Variants in BICD2 observed in about 807,000 individuals in gnomAD.
The protein encoded by BICD2 is BICD cargo adaptor 2, also known as protein bicaudal D homolog 2.
In BICD2, 25 loss-of-function variants were observed where a neutral mutation model predicts 72.9. That is an observed-to-expected ratio of 0.34 (90% confidence interval 0.25 to 0.48). The LOEUF (loss-of-function observed/expected upper bound fraction) is 0.48. Ranked by LOEUF, BICD2 falls within the 20% of genes least tolerant of loss-of-function variation. The pLI is 0.99. For synonymous variants in BICD2, 501 were observed against 516.1 expected (o/e 0.97, Z 0.40); for missense variants, 894 against 1,175.2 (o/e 0.76, Z 3.50).
intron 1 of BICD2, among the ~76,000 whole-genome samples, chr9:92,745,943 G>A (rs964233417): frequency 6.6e-6 from 1 of 152,214 alleles, no homozygotes; most frequent in Non-Finnish European, 1.5e-5. Context: ...ATTCCCAGGT[G>A]CATGAACATC....
At chr9:92,755,907 T>C (rs892414514) in intron 1 of BICD2, among the ~76,000 whole-genome samples, 1 of 152,080 alleles carries the variant, frequency 6.6e-6, no homozygotes, top group Non-Finnish European at 1.5e-5. Context: ...TCCAAGGGCG[T>C]CAGGAATGCA....
In BICD2 at chr9:92,754,517, T is replaced by C. The variant is rs183905794; in HGVS notation, c.240+9988A>G. Among the ~76,000 whole-genome samples the C allele has an allele frequency of 3.2e-3, 483 of 152,284 alleles. 3 individuals carry two copies. Among genetic ancestry groups the C allele is most frequent in the African/African-American group, 0.011 (442 of 41,566 alleles). The stretch of plus-strand genomic sequence containing the variant: ...ACTGTGCTTCACAGAAGTAATAAAA[T>C]TGGCCTGATCCAATCAGTGAACAGG... On this transcript the variant is annotated intron_variant, in intron 1 of 6. Coordinates refer to ENST00000356884, the MANE Select transcript of BICD2 (RefSeq NM_001003800.2).
rs374340865 is a variant in BICD2 at position 92,753,983 on chromosome 9, A to C, written c.240+10522T>G. The stretch of plus-strand genomic sequence containing the variant: ...CACCGTGAAACCCCGTCACTACTAA[A>C]AATACAAAAAAATTAGCCGGGCATG... On this transcript the variant is annotated intron_variant, in intron 1 of 6. Coordinates refer to ENST00000356884, the MANE Select transcript of BICD2 (RefSeq NM_001003800.2). Among the ~76,000 whole-genome samples the C allele has an allele frequency of 7.2e-4, 110 of 151,784 alleles. 4 individuals are homozygous for C. The South Asian group carries it at 0.022, about 31-fold the overall frequency.
intron 1 of BICD2, among the ~76,000 whole-genome samples, chr9:92,738,246 C>G (rs1853829101): frequency 6.6e-6 from 1 of 152,210 alleles, no homozygotes; most frequent in Non-Finnish European, 1.5e-5. Context: ...GCATGGGCAC[C>G]AGGTCAGGGT....
chr9:92,713,291 A>T lies in BICD2; in HGVS notation c.*1863T>A, dbSNP rs1853229439. Reference sequence around the variant, plus strand: ...ATTAAAGCTTTTTTTCCTCCCATTAAAAACCTGGGGAATGCTATTTTGAAA... The same window carrying T: ...ATTAAAGCTTTTTTTCCTCCCATTATAAACCTGGGGAATGCTATTTTGAAA... On this transcript the variant is annotated 3_prime_UTR_variant, in exon 7 of 7. Coordinates refer to ENST00000356884, the MANE Select transcript of BICD2 (RefSeq NM_001003800.2). The T allele has an allele frequency of 1.0e-5, 8 of 776,982 alleles. No individual in the cohort carries two copies. The highest frequency in any genetic ancestry group is 1.5e-5 in the Non-Finnish European group (7 of 481,624). 48.1% of individuals were successfully genotyped at this position (776,982 alleles called of 1,614,324 possible). A position where few individuals can be genotyped will look rare whatever the true frequency, so the allele number is the denominator to read the frequency against.
chr9:92,725,551 G>A (rs1853551912), intron 2 of BICD2, among the ~76,000 whole-genome samples: 1 of 152,266 alleles, frequency 6.6e-6, no homozygotes, highest in Non-Finnish European at 1.5e-5. Context: ...GAGCCTGTCT[G>A]ATGTCAGCCC....
intron 3 of BICD2, 33 bp downstream of exon 3, chr9:92,722,623 G>A (rs756373451): frequency 8.1e-6 from 13 of 1,612,858 alleles, no homozygotes; most frequent in African/African-American, 2.7e-5. Flanking sequence ...GTTAACCCAC[G>A]TGCCACCTCC....
In BICD2 at chr9:92,713,501, C is replaced by T. The variant is rs200096848; in HGVS notation, c.*1653G>A. 4.8e-5 allele frequency: 75 copies of T among 1,574,110 alleles called. No individual in the cohort carries two copies. The African/African-American group carries it at 8.6e-4, about 18-fold the overall frequency. ...AAAGAGAGCGTTAGAAAGCGGTCAT[C>T]TGTCGCTTCCTGTTTATCTGACAAT... On this transcript the variant is annotated 3_prime_UTR_variant, in exon 7 of 7. Transcript: ENST00000356884.
At chr9:92,743,642 C>CA (rs1853944379) in intron 1 of BICD2, among the ~76,000 whole-genome samples, 2 of 152,128 alleles carry the variant, frequency 1.3e-5, no homozygotes, top group African/African-American at 4.8e-5. Flanking sequence ...ACTAAGGCTC[C>CA]AAAAGGCCAA....
At chr9:92,743,071 T>C (rs994222055) in intron 1 of BICD2, among the ~76,000 whole-genome samples, 4 of 152,242 alleles carry the variant, frequency 2.6e-5, no homozygotes, top group African/African-American at 9.6e-5. Context: ...ACAAGGGCTA[T>C]CCCATTTTAT....
intron 1 of BICD2, among the ~76,000 whole-genome samples, chr9:92,752,361 G>A (rs1174461966): frequency 6.6e-6 from 1 of 151,966 alleles, no homozygotes; most frequent in Non-Finnish European, 1.5e-5. Context: ...GCACCATGAT[G>A]TGGTATGTTA....
chr9:92,727,230 T>C (rs1044227085), intron 2 of BICD2, among the ~76,000 whole-genome samples: 1 of 152,142 alleles, frequency 6.6e-6, no homozygotes, highest in Admixed American at 6.5e-5. Flanking sequence ...CCTTCAGTAC[T>C]GGAATGCTAA....
At position 92,741,539 on chromosome 9, in the gene BICD2, C is replaced by T. The variant is rs79197016; in HGVS notation, c.241-12303G>A. On this transcript the variant is annotated intron_variant, in intron 1 of 6. Transcript: ENST00000356884. ...TGCTTTCACCATAATTTAGCCTGAA[C>T]TCTTCTCAACTGAAGCACTTGAAAA... 2.0e-3 allele frequency among the ~76,000 whole-genome samples: 303 copies of T among 152,336 alleles called. 2 individuals are homozygous for T. Among genetic ancestry groups the T allele is most frequent in the African/African-American group, 6.9e-3 (285 of 41,576 alleles).
chr9:92,737,405 C>T (rs1175045616), intron 1 of BICD2, among the ~76,000 whole-genome samples: 1 of 152,166 alleles, frequency 6.6e-6, no homozygotes, highest in East Asian at 1.9e-4. Flanking sequence ...GCAACTCCTC[C>T]AGAGTCAGCA....
chr9:92,736,580 T>C (rs1196058806), intron 1 of BICD2, among the ~76,000 whole-genome samples: 1 of 152,244 alleles, frequency 6.6e-6, no homozygotes, highest in Admixed American at 6.5e-5. Flanking sequence ...CTCAAGTCAC[T>C]GTTCTGCCTA....
At chr9:92,763,127 C>T (rs963440362) in intron 1 of BICD2, among the ~76,000 whole-genome samples, 10 of 152,184 alleles carry the variant, frequency 6.6e-5, no homozygotes, top group African/African-American at 2.2e-4. Flanking sequence ...GGGGAGGACC[C>T]AGCTCCTGCT....
chr9:92,756,326 A>G (rs1302424909), intron 1 of BICD2, among the ~76,000 whole-genome samples: 2 of 151,058 alleles, frequency 1.3e-5, no homozygotes, highest in Non-Finnish European at 2.9e-5. Context: ...CAGTGGCACG[A>G]TCTCGGCTCA....
At chr9:92,754,135 A>G (rs1854208156) in intron 1 of BICD2, among the ~76,000 whole-genome samples, 1 of 111,230 alleles carries the variant, frequency 9.0e-6, no homozygotes, top group Non-Finnish European at 1.7e-5. Context: ...AGAGAGCAAG[A>G]CTACATCTCA....
intron 4 of BICD2, among the ~76,000 whole-genome samples, chr9:92,719,820 C>T (rs1334075419): frequency 6.6e-6 from 1 of 152,226 alleles, no homozygotes; most frequent in Non-Finnish European, 1.5e-5. Flanking sequence ...ACCCTCAACG[C>T]AGGCTCTTTC....
Sources: allele counts gnomAD v4.1 joint callset (sites outside exome capture counted in the v4.1 genomes callset), GRCh38; gene constraint gnomAD v4.1.1; transcripts MANE v1.5; gene names NCBI Gene and HGNC (gene_info 2026-07-23, HGNC 2026-07-21).